DENND2C: variants seen among roughly 807,000 people sequenced by gnomAD.
The protein encoded by DENND2C is DENN domain containing 2C.
DENND2C carries 72 observed loss-of-function variants against 112.4 expected under a neutral mutation model. That is an observed-to-expected ratio of 0.64 (90% CI 0.53 to 0.78). The LOEUF is 0.78. Among genes scored for constraint, DENND2C ranks in the 30% least tolerant of loss-of-function variants. DENND2C has a pLI of 0.00. For synonymous variants in DENND2C, 329 were observed against 381.6 expected (o/e 0.86, Z 1.61); for missense variants, 992 against 1,113.8 (o/e 0.89, Z 1.56).
At chr1:114,590,866 G>C (rs1655170216) in intron 18 of DENND2C, among the ~76,000 whole-genome samples, 1 of 151,628 alleles carries the variant, frequency 6.6e-6, no homozygotes, top group South Asian at 2.1e-4. Flanking sequence ...AAACTACACT[G>C]TTGGGTTGTA....
chr1:114,613,442 A>G (rs1655876426), intron 8 of DENND2C, among the ~76,000 whole-genome samples: 1 of 152,232 alleles, frequency 6.6e-6, no homozygotes, highest in Admixed American at 6.5e-5. Flanking sequence ...GGAAAGACAC[A>G]TAAGAGATGT....
intron 18 of DENND2C, among the ~76,000 whole-genome samples, chr1:114,592,952 T>C (rs1335050779): frequency 6.6e-6 from 1 of 152,200 alleles, no homozygotes; most frequent in Non-Finnish European, 1.5e-5. Flanking sequence ...TGAAGTATTC[T>C]CTTTGCTCAA....
At chr1:114,643,592 G>C (rs907849904) in intron 3 of DENND2C, among the ~76,000 whole-genome samples, 7 of 152,086 alleles carry the variant, frequency 4.6e-5, no homozygotes, top group African/African-American at 1.7e-4. Context: ...ACTCCTATCA[G>C]AGGAAACAGC....
intron 2 of DENND2C, among the ~76,000 whole-genome samples, chr1:114,653,549 A>C (rs1234760154): frequency 2.0e-5 from 3 of 152,196 alleles, no homozygotes; most frequent in Non-Finnish European, 4.4e-5. Context: ...TTATGCAAGA[A>C]ATTGTCAACA....
chr1:114,635,420 T>C (rs7556270), intron 3 of DENND2C, among the ~76,000 whole-genome samples: 133,164 of 152,200 alleles, frequency 0.87, 58,759 homozygotes, highest in African/African-American at 0.96. Context: ...AATTGACAGA[T>C]CTCTAGGCAA....
chr1:114,647,004 A>G (rs908685681), intron 2 of DENND2C, among the ~76,000 whole-genome samples: 1 of 152,112 alleles, frequency 6.6e-6, no homozygotes, highest in Non-Finnish European at 1.5e-5. Context: ...TACTAAAAAT[A>G]CAAAAATAAG....
At chr1:114,655,238 T>A (rs548295888) in intron 1 of DENND2C, among the ~76,000 whole-genome samples, 5 of 152,214 alleles carry the variant, frequency 3.3e-5, no homozygotes, top group Non-Finnish European at 7.3e-5. Context: ...GCTGTCTATA[T>A]ACCTTTCACT....
intron 3 of DENND2C, among the ~76,000 whole-genome samples, chr1:114,633,439 CAAAA>C (rs780884019): frequency 1.8e-4 from 9 of 49,216 alleles, no homozygotes; most frequent in Non-Finnish European, 3.3e-4. Flanking sequence ...GACCCTATCT[CAAAA>C]AAAAAAAAAA....
chr1:114,630,304 CA>C (rs201569345), intron 3 of DENND2C, among the ~76,000 whole-genome samples: 75 of 130,380 alleles, frequency 5.8e-4, no homozygotes, highest in Non-Finnish European at 5.4e-4. Flanking sequence ...GAGATTCGTT[CA>C]AAAAAAAAAA....
intron 3 of DENND2C, among the ~76,000 whole-genome samples, chr1:114,638,118 C>G (rs1293316475): frequency 6.6e-6 from 1 of 152,106 alleles, no homozygotes; most frequent in Non-Finnish European, 1.5e-5. Flanking sequence ...CAGAAGAGCA[C>G]AGAGTCCAGA....
At chr1:114,641,891 GATC>G (rs1307671583) in intron 3 of DENND2C, among the ~76,000 whole-genome samples, 1 of 151,904 alleles carries the variant, frequency 6.6e-6, no homozygotes, top group Non-Finnish European at 1.5e-5. Context: ...ACAAAAATAA[GATC>G]ATAATTTTGC....
At chr1:114,659,408 A>G (rs1186214509) in intron 1 of DENND2C, among the ~76,000 whole-genome samples, 1 of 152,146 alleles carries the variant, frequency 6.6e-6, no homozygotes, top group East Asian at 1.9e-4. Flanking sequence ...AAGCTGAGGC[A>G]GGAGAATCAC....
intron 16 of DENND2C, among the ~76,000 whole-genome samples, chr1:114,598,215 C>G (rs906402658): frequency 6.6e-6 from 1 of 151,874 alleles, no homozygotes; most frequent in Non-Finnish European, 1.5e-5. Flanking sequence ...AAACTGGAAA[C>G]AACTCAAATG....
chr1:114,633,967 T>C (rs1253599996), intron 3 of DENND2C, among the ~76,000 whole-genome samples: 1 of 152,204 alleles, frequency 6.6e-6, no homozygotes, highest in Non-Finnish European at 1.5e-5. Context: ...ATAAGAAAGC[T>C]GGATTGTCTA....
At chr1:114,622,849 AT>A (rs113460468) in intron 6 of DENND2C, 137 bp downstream of exon 6, 42 of 567,382 alleles carry the variant, frequency 7.4e-5, no homozygotes, top group Non-Finnish European at 9.5e-5. Flanking sequence ...CAAAACAAAA[AT>A]TAAAAAAACT....
intron 3 of DENND2C, among the ~76,000 whole-genome samples, chr1:114,634,535 T>C (rs1656592531): frequency 1.3e-5 from 2 of 152,098 alleles, no homozygotes; most frequent in African/African-American, 4.8e-5. Context: ...CAATAGACCA[T>C]ATGTTGGGCC....
At chr1:114,636,868 T>C (rs963763864) in intron 3 of DENND2C, among the ~76,000 whole-genome samples, 1 of 151,932 alleles carries the variant, frequency 6.6e-6, no homozygotes, top group Non-Finnish European at 1.5e-5. Context: ...ATGGTCAGTA[T>C]AGAAGAATTA....
chr1:114,632,667 A>G (rs1418095607), intron 3 of DENND2C, among the ~76,000 whole-genome samples: 1 of 152,200 alleles, frequency 6.6e-6, no homozygotes, highest in Non-Finnish European at 1.5e-5. Context: ...AAAGGCAGTA[A>G]AAGTGCCTTT....
At chr1:114,660,219 C>T (rs1193983119) in intron 1 of DENND2C, among the ~76,000 whole-genome samples, 1 of 152,194 alleles carries the variant, frequency 6.6e-6, no homozygotes, top group African/African-American at 2.4e-5. Flanking sequence ...ATGTTGGTTA[C>T]TCAGCAAGCT....
Sources: gnomAD v4.1 joint callset for allele counts (sites outside exome capture counted in the v4.1 genomes callset) on GRCh38, gnomAD v4.1.1 for gene constraint, MANE v1.5 for transcripts, NCBI Gene and HGNC (gene_info 2026-07-23, HGNC 2026-07-21) for gene names.